The following INPP4B variants were observed in gnomAD, a reference collection of about 807,000 sequenced individuals.
The protein encoded by INPP4B is inositol polyphosphate-4-phosphatase type II B.
Under a neutral mutation model 122.5 loss-of-function variants are expected in INPP4B, and 55 were observed. The observed-to-expected ratio is 0.45, with a 90% confidence interval of 0.36 to 0.56. INPP4B has a LOEUF of 0.56. Among genes scored for constraint, INPP4B ranks in the 20% least tolerant of loss-of-function variants. The probability of loss-of-function intolerance (pLI) is 0.00; values close to 1 mark genes in which losing one functional copy is unlikely to be tolerated. For missense variants in INPP4B, 1,000 were observed against 1,097.7 expected, an observed-to-expected ratio of 0.91 and a Z score of 1.26; for synonymous variants, 403 against 388.7, an observed-to-expected ratio of 1.04 and a Z score of -0.43.
intron 2 of INPP4B, among the ~76,000 whole-genome samples, chr4:142,558,699 A>G (rs181515014): frequency 6.9e-6 from 1 of 144,124 alleles, no homozygotes; most frequent in African/African-American, 2.6e-5. Flanking sequence ...TAGAAACTGG[A>G]GGCCTGGGTT....
chr4:142,745,330 C>T (rs1768547563), intron 1 of INPP4B, among the ~76,000 whole-genome samples: 1 of 151,718 alleles, frequency 6.6e-6, no homozygotes, highest in African/African-American at 2.4e-5. Flanking sequence ...TGGATAATTA[C>T]ATGAAATGTA....
At position 142,393,859 on chromosome 4, in the gene INPP4B, T is replaced by G. The variant is rs374067384; in HGVS notation, c.372+9079A>C. Among the ~76,000 whole-genome samples the G allele has an allele frequency of 2.6e-5, 4 of 152,362 alleles. No individual in the cohort carries two copies. The South Asian group carries it at 6.2e-4, about 24-fold the overall frequency. ...TATGCCACCTCCGTTTTCTTGTCTA[T>G]AAACCTTTTTCCACCACGTGGCTGC... On this transcript the variant is annotated intron_variant, in intron 7 of 25. Coordinates refer to ENST00000262992, the MANE Select transcript of INPP4B (RefSeq NM_001101669.3).
intron 23 of INPP4B, among the ~76,000 whole-genome samples, chr4:142,096,443 T>C (rs3775636): frequency 0.015 from 2,341 of 152,278 alleles, 38 homozygotes; most frequent in East Asian, 0.06. Context: ...CCTTTGTATA[T>C]GTATATGTGT....
At chr4:142,495,429 A>G (rs1261381798) in intron 2 of INPP4B, among the ~76,000 whole-genome samples, 1 of 152,034 alleles carries the variant, frequency 6.6e-6, no homozygotes, top group Non-Finnish European at 1.5e-5. Flanking sequence ...AACTATTTCC[A>G]CAACAGTTAT....
At chr4:142,517,836 G>T (rs757047645) in intron 2 of INPP4B, among the ~76,000 whole-genome samples, 20 of 152,142 alleles carry the variant, frequency 1.3e-4, no homozygotes, top group South Asian at 6.2e-4. Flanking sequence ...CTCCACTTCT[G>T]GTTTCTATAT....
intron 7 of INPP4B, among the ~76,000 whole-genome samples, chr4:142,327,843 T>G (rs1772995600): frequency 6.6e-6 from 1 of 152,206 alleles, no homozygotes; most frequent in Non-Finnish European, 1.5e-5. Flanking sequence ...AAGTTAACTT[T>G]CTTCCCAGGT....
At chr4:142,499,271 C>A (rs776188550) in intron 2 of INPP4B, among the ~76,000 whole-genome samples, 20 of 151,802 alleles carry the variant, frequency 1.3e-4, no homozygotes, top group Admixed American at 6.6e-4. Context: ...TATCAAGAAG[C>A]AAATAATACA....
At chr4:142,340,406 T>G (rs199939122) in intron 7 of INPP4B, among the ~76,000 whole-genome samples, 3 of 65,554 alleles carry the variant, frequency 4.6e-5, no homozygotes, top group Admixed American at 1.5e-4. Context: ...TCTTTCTTTT[T>G]TTTCTCTTTA....
intron 7 of INPP4B, among the ~76,000 whole-genome samples, chr4:142,375,597 C>T (rs1332698250): frequency 2.0e-5 from 3 of 151,792 alleles, no homozygotes; most frequent in African/African-American, 7.3e-5. Context: ...ACAATTTTGG[C>T]AAATGAAATT....
At chr4:142,510,488 C>T (rs1034085687) in intron 2 of INPP4B, among the ~76,000 whole-genome samples, 3 of 151,984 alleles carry the variant, frequency 2.0e-5, no homozygotes, top group Non-Finnish European at 4.4e-5. Flanking sequence ...TTTTATTTGG[C>T]AAATACACAA....
At chr4:142,258,424 A>T (rs1040256438) in intron 11 of INPP4B, among the ~76,000 whole-genome samples, 2 of 152,008 alleles carry the variant, frequency 1.3e-5, no homozygotes, top group Non-Finnish European at 2.9e-5. Context: ...GCAACCTACA[A>T]AATGGGAGAA....
At chr4:142,215,626 T>C (rs934382235) in intron 12 of INPP4B, among the ~76,000 whole-genome samples, 3 of 151,838 alleles carry the variant, frequency 2.0e-5, no homozygotes, top group Non-Finnish European at 4.4e-5. Context: ...TGTTGCTTCA[T>C]TGATATAAGA....
intron 25 of INPP4B, among the ~76,000 whole-genome samples, chr4:142,074,025 G>A (rs1769082058): frequency 6.6e-6 from 1 of 151,958 alleles, no homozygotes; most frequent in Admixed American, 6.6e-5. Flanking sequence ...TTCACATCAT[G>A]TCACAGGCTC....
intron 10 of INPP4B, among the ~76,000 whole-genome samples, chr4:142,268,218 G>A (rs1444746815): frequency 2.0e-5 from 3 of 149,956 alleles, no homozygotes; most frequent in African/African-American, 7.4e-5. Context: ...AGCTACTCGG[G>A]AGGCTGGGGC....
chr4:142,213,951 T>C (rs976789906), intron 12 of INPP4B, among the ~76,000 whole-genome samples: 1 of 152,200 alleles, frequency 6.6e-6, no homozygotes, highest in South Asian at 2.1e-4. Flanking sequence ...GGACAGATGA[T>C]AGAAGACTCT....
At chr4:142,280,724 A>G (rs188321244) in intron 9 of INPP4B, among the ~76,000 whole-genome samples, 1 of 152,110 alleles carries the variant, frequency 6.6e-6, no homozygotes, top group Non-Finnish European at 1.5e-5. Flanking sequence ...ATAATAAATC[A>G]ATACCAAACA....
At chr4:142,760,309 G>A (rs1246721845) in intron 1 of INPP4B, among the ~76,000 whole-genome samples, 1 of 152,038 alleles carries the variant, frequency 6.6e-6, no homozygotes, top group Non-Finnish European at 1.5e-5. Context: ...GTCACACATG[G>A]GGAGGACAAA....
At chr4:142,778,644 T>G (rs576071945) in intron 1 of INPP4B, among the ~76,000 whole-genome samples, 21 of 152,206 alleles carry the variant, frequency 1.4e-4, no homozygotes, top group Non-Finnish European at 2.6e-4. Flanking sequence ...TGAGTGTGTC[T>G]TGGGGGTTGG....
At chr4:142,633,471 G>A (rs1383729828) in intron 2 of INPP4B, among the ~76,000 whole-genome samples, 1 of 152,114 alleles carries the variant, frequency 6.6e-6, no homozygotes, top group East Asian at 1.9e-4. Flanking sequence ...ATTTGCCAAA[G>A]CTGATCACTT....
Sources: allele counts gnomAD v4.1 joint callset (sites outside exome capture counted in the v4.1 genomes callset), GRCh38; gene constraint gnomAD v4.1.1; transcripts MANE v1.5; gene names NCBI Gene and HGNC (gene_info 2026-07-23, HGNC 2026-07-21).